TMEM132D: variants seen among roughly 807,000 people sequenced by gnomAD.
The protein encoded by TMEM132D is mature OL transmembrane protein.
In TMEM132D, 21 loss-of-function variants were observed where a neutral mutation model predicts 62.3. That is an observed-to-expected ratio of 0.34 (90% confidence interval 0.24 to 0.49). The LOEUF is 0.49. TMEM132D is among the 20% of genes least tolerant of loss of function. TMEM132D has a pLI of 0.99. For missense variants in TMEM132D, 1,346 were observed against 1,402.8 expected, an observed-to-expected ratio of 0.96 and a Z score of 0.65; for synonymous variants, 621 against 575.6, an observed-to-expected ratio of 1.08 and a Z score of -1.13.
intron 1 of TMEM132D, among the ~76,000 whole-genome samples, chr12:129,868,843 C>A (rs1046405829): frequency 6.6e-6 from 1 of 152,030 alleles, no homozygotes; most frequent in Non-Finnish European, 1.5e-5. Context: ...GAGCCAGGTT[C>A]GGAGGTGCCT....
At chr12:129,335,290 C>A (rs1299043404) in intron 4 of TMEM132D, among the ~76,000 whole-genome samples, 2 of 151,812 alleles carry the variant, frequency 1.3e-5, no homozygotes, top group East Asian at 1.9e-4. Context: ...TGCCATCACA[C>A]CTGGCTAAGT....
chr12:129,554,686 G>A (rs182360691), intron 2 of TMEM132D, among the ~76,000 whole-genome samples: 42 of 152,142 alleles, frequency 2.8e-4, no homozygotes, highest in Middle Eastern at 6.8e-3. Flanking sequence ...GATATTTTCC[G>A]CCAGTGACTT....
rs182485536 is a variant in TMEM132D, at chr12:129,760,401, G to A, written c.80-59703C>T. On this transcript the variant is annotated intron_variant, in intron 1 of 8. Coordinates refer to ENST00000422113, the MANE Select transcript of TMEM132D (RefSeq NM_133448.3). ...GGCTAGAGTGCAGTGGCGCGATCTC[G>A]GCTCACTGCAAGCTCCGCCTCCCGG... Among the ~76,000 whole-genome samples the A allele has an allele frequency of 4.8e-3, 651 of 136,636 alleles. 8 individuals are homozygous for A. Among genetic ancestry groups the A allele is most frequent in the African/African-American group, 0.016 (604 of 36,818 alleles). The allele number at this position is 136,636 out of a possible 152,430, so 89.6% of individuals were successfully genotyped here.
At chr12:129,114,320 C>G (rs1169828984) in intron 5 of TMEM132D, among the ~76,000 whole-genome samples, 1 of 152,056 alleles carries the variant, frequency 6.6e-6, no homozygotes, top group African/African-American at 2.4e-5. Flanking sequence ...CTATAATGCA[C>G]AGGACACCCC....
At chr12:129,764,256 C>T (rs1470760774) in intron 1 of TMEM132D, among the ~76,000 whole-genome samples, 1 of 152,056 alleles carries the variant, frequency 6.6e-6, no homozygotes, top group East Asian at 1.9e-4. Context: ...TATATAATTA[C>T]AATTTGTGTT....
At chr12:129,574,764 C>G (rs1432613814) in intron 2 of TMEM132D, among the ~76,000 whole-genome samples, 1 of 151,708 alleles carries the variant, frequency 6.6e-6, no homozygotes, top group African/African-American at 2.4e-5. Context: ...ACATGAACAA[C>G]TGGGAAATCT....
intron 4 of TMEM132D, among the ~76,000 whole-genome samples, chr12:129,254,772 C>G (rs1017733608): frequency 6.6e-6 from 1 of 152,118 alleles, no homozygotes; most frequent in Non-Finnish European, 1.5e-5. Flanking sequence ...GCCTCATCCT[C>G]TTCTGATTTA....
At chr12:129,578,515 G>GCA (rs772918566) in intron 2 of TMEM132D, among the ~76,000 whole-genome samples, 1 of 149,894 alleles carries the variant, frequency 6.7e-6, no homozygotes, top group East Asian at 2.0e-4. Context: ...ATACACATGC[G>GCA]CACACACACA....
intron 1 of TMEM132D, among the ~76,000 whole-genome samples, chr12:129,891,482 A>C (rs1167288556): frequency 6.6e-6 from 1 of 152,202 alleles, no homozygotes; most frequent in Non-Finnish European, 1.5e-5. Flanking sequence ...GCTGAAATTG[A>C]CACTTGCCAT....
chr12:129,502,176 TTTTTAGTAGAGACGGGG>T (rs1482654536), intron 3 of TMEM132D, among the ~76,000 whole-genome samples: 1 of 152,052 alleles, frequency 6.6e-6, no homozygotes, highest in Non-Finnish European at 1.5e-5. Flanking sequence ...ATTTTTTGTA[TTTTTAGTAGAGACGGGG>T]TTTCACTGTG....
chr12:129,181,087 G>C (rs1593287686), intron 5 of TMEM132D, among the ~76,000 whole-genome samples: 1 of 152,072 alleles, frequency 6.6e-6, no homozygotes, highest in Non-Finnish European at 1.5e-5. Flanking sequence ...GTGAAGATGG[G>C]GGATGTGGAC....
chr12:129,649,174 T>C (rs973907054), intron 2 of TMEM132D, among the ~76,000 whole-genome samples: 2 of 152,338 alleles, frequency 1.3e-5, no homozygotes, highest in African/African-American at 4.8e-5. Flanking sequence ...GGATTCACAC[T>C]CAGATCTCTC....
chr12:129,452,507 G>A (rs375931883), intron 3 of TMEM132D, among the ~76,000 whole-genome samples: 1 of 152,172 alleles, frequency 6.6e-6, no homozygotes, highest in East Asian at 1.9e-4. Context: ...GTGATACTCT[G>A]GGAGCCAAGT....
chr12:129,833,826 C>T (rs529172662), intron 1 of TMEM132D, among the ~76,000 whole-genome samples: 1 of 152,282 alleles, frequency 6.6e-6, no homozygotes, highest in East Asian at 1.9e-4. Context: ...ACAGGAAACT[C>T]CTCTCAAGCA....
intron 1 of TMEM132D, among the ~76,000 whole-genome samples, chr12:129,753,174 A>G (rs1032086862): frequency 2.6e-5 from 4 of 152,234 alleles, no homozygotes; most frequent in African/African-American, 9.6e-5. Context: ...GTTTACTAGA[A>G]CCACGTCTGT....
At chr12:129,689,489 A>G (rs573116801) in intron 2 of TMEM132D, among the ~76,000 whole-genome samples, 18 of 152,082 alleles carry the variant, frequency 1.2e-4, no homozygotes, top group Non-Finnish European at 2.5e-4. Flanking sequence ...TGAAACCTAA[A>G]TGCTCCCCAA....
At chr12:129,848,531 CAAG>C (rs1329729769) in intron 1 of TMEM132D, among the ~76,000 whole-genome samples, 1 of 152,130 alleles carries the variant, frequency 6.6e-6, no homozygotes, top group Non-Finnish European at 1.5e-5. Flanking sequence ...AAAATTATAT[CAAG>C]AAGGTAAAAT....
chr12:129,700,525 A>G lies in TMEM132D; in HGVS notation c.253T>C (p.Tyr85His), dbSNP rs777579349. The change falls in exon 2 of 9, where the codon TAC becomes CAC. Residue 85 changes from tyrosine (Y) to histidine (H), a missense_variant. By Grantham distance (83) the Tyr-to-His change is moderately conservative. Coordinates refer to ENST00000422113, the MANE Select transcript of TMEM132D (RefSeq NM_133448.3). ...AGGACAGGCAGCCTCCTGGATTTGT[A>G]AATCAGAAATGACTCCACCCGGGAC... ...LQSRVESFLI[Y>H]KSRRLPVLNA... 1.2e-6 allele frequency: 2 copies of G among 1,614,132 alleles called. No individual in the cohort carries two copies. The highest frequency in any genetic ancestry group is 1.3e-5 in the African/African-American group (1 of 75,046).
At chr12:129,607,156 A>C (rs568150374) in intron 2 of TMEM132D, among the ~76,000 whole-genome samples, 3 of 152,140 alleles carry the variant, frequency 2.0e-5, no homozygotes, top group Admixed American at 6.5e-5. Context: ...AACTCACAGA[A>C]TGTGGCAAAG....
Sources: allele counts gnomAD v4.1 joint callset (sites outside exome capture counted in the v4.1 genomes callset), GRCh38; gene constraint gnomAD v4.1.1; transcripts MANE v1.5; gene names NCBI Gene and HGNC (gene_info 2026-07-23, HGNC 2026-07-21).